Variants in AAK1 observed in about 807,000 individuals in gnomAD.
AAK1 encodes the protein AP2-associated protein kinase 1.
AAK1 carries 37 observed loss-of-function variants against 116.0 expected under a neutral mutation model. That is an observed-to-expected ratio of 0.32 (90% CI 0.25 to 0.42). The LOEUF (loss-of-function observed/expected upper bound fraction) is 0.42, where lower values mean the gene tolerates loss of function less well. Ranked by LOEUF, AAK1 falls within the 10% of genes least tolerant of loss-of-function variation. The pLI, the probability that AAK1 is intolerant of heterozygous loss-of-function variation, is 1.00. For synonymous variants in AAK1, 458 were observed against 439.9 expected (o/e 1.04, Z -0.51); for missense variants, 919 against 1,170.6 (o/e 0.79, Z 3.14).
rs1674321294 is a variant in AAK1 at position 69,460,844 on chromosome 2, G to C, written c.*15025C>G. ...CATATGACATCTTTCATTCAGTACTGCCTGTTAGTCAATTACTGTGGATTC... is the reference window on the plus strand; with the variant it reads ...CATATGACATCTTTCATTCAGTACTCCCTGTTAGTCAATTACTGTGGATTC... On this transcript the variant is annotated 3_prime_UTR_variant, in exon 22 of 22. Coordinates refer to ENST00000409085, the MANE Select transcript of AAK1 (RefSeq NM_014911.5). 1 of 152,114 alleles carries C rather than the reference G, an allele frequency of 6.6e-6. No individual in the cohort carries two copies. Among genetic ancestry groups the C allele is most frequent in the South Asian group, 2.1e-4 (1 of 4,828 alleles). 9.4% of individuals were successfully genotyped at this position (152,114 alleles called of 1,614,324 possible).
chr2:69,557,090 C>T (rs774368241), intron 2 of AAK1, 112 bp from the exon 3 acceptor site: 22 of 730,366 alleles, frequency 3.0e-5, no homozygotes, highest in Non-Finnish European at 4.1e-5. Flanking sequence ...AATGCCACTG[C>T]CAGCCAGCCT....
In AAK1 at chr2:69,479,039, G is replaced by A. The variant is rs774192903; in HGVS notation, c.2592C>T (p.Ser864=). ...TAGAGAGCAGAGAGCAATCAAGCAG[G>A]GAATCTTCCCCGGTGAGAGAATCTG... ...NRTDSLTGED[S]LLDCSLLSNP... The change falls in exon 20 of 22, where the codon TCC becomes TCT. Residue 864 remains serine, a synonymous_variant. Coordinates refer to ENST00000409085, the MANE Select transcript of AAK1 (RefSeq NM_014911.5). 1 of 1,613,644 alleles carries A rather than the reference G, an allele frequency of 6.2e-7. No individual in the cohort carries two copies. The highest frequency in any genetic ancestry group is 8.5e-7 in the Non-Finnish European group (1 of 1,179,638).
chr2:69,563,055 C>A (rs1378362562), intron 2 of AAK1, among the ~76,000 whole-genome samples: 2 of 152,138 alleles, frequency 1.3e-5, no homozygotes, highest in Admixed American at 6.5e-5. Context: ...CAGAGCGAGA[C>A]CCTCCCTGTC....
At chr2:69,574,594 AAGAG>A (rs1027033682) in intron 2 of AAK1, among the ~76,000 whole-genome samples, 3 of 151,412 alleles carry the variant, frequency 2.0e-5, no homozygotes, top group African/African-American at 4.9e-5. Context: ...TTAAAAAAAT[AAGAG>A]AGAGAGAGAG....
At chr2:69,545,402 C>T (rs2105058732) in intron 3 of AAK1, among the ~76,000 whole-genome samples, 1 of 152,258 alleles carries the variant, frequency 6.6e-6, no homozygotes, top group East Asian at 1.9e-4. Context: ...GATTTTTGCA[C>T]AAATGCAAGG....
At chr2:69,481,770 T>C (rs989658824) in intron 18 of AAK1, 3 of 152,182 alleles carry the variant, frequency 2.0e-5, no homozygotes, top group African/African-American at 7.2e-5. Flanking sequence ...GCAAAATGTT[T>C]TCTCAGTTAC....
intron 2 of AAK1, among the ~76,000 whole-genome samples, chr2:69,632,713 A>G (rs1190683910): frequency 6.6e-6 from 1 of 152,094 alleles, no homozygotes; most frequent in Non-Finnish European, 1.5e-5. Context: ...CCTGGCTAAC[A>G]TGGTGAAACC....
chr2:69,526,272 A>G (rs1670021482), intron 9 of AAK1, among the ~76,000 whole-genome samples: 1 of 152,180 alleles, frequency 6.6e-6, no homozygotes, highest in South Asian at 2.1e-4. Context: ...TAAAGCCAAT[A>G]TTCTGAGCTC....
intron 4 of AAK1, among the ~76,000 whole-genome samples, chr2:69,543,256 A>C (rs1461484911): frequency 1.3e-5 from 2 of 152,206 alleles, no homozygotes; most frequent in African/African-American, 4.8e-5. Context: ...TAAACATTTT[A>C]GTATCCAAAA....
chr2:69,545,275 T>C (rs951389280), intron 3 of AAK1, among the ~76,000 whole-genome samples: 2 of 152,194 alleles, frequency 1.3e-5, no homozygotes, highest in Non-Finnish European at 2.9e-5. Context: ...TGGCCTCACA[T>C]TTTGGTATAG....
chr2:69,638,151 G>C (rs1017605195), intron 2 of AAK1, among the ~76,000 whole-genome samples: 1 of 152,130 alleles, frequency 6.6e-6, no homozygotes, highest in African/African-American at 2.4e-5. Flanking sequence ...GAAGTGGGAG[G>C]GATCAAATTG....
Position 69,471,223 on chromosome 2 carries a change from C to A in AAK1, c.*4646G>T. 1.0e-6 allele frequency: 1 copy of A among 985,408 alleles called. No homozygotes were observed. The highest frequency in any genetic ancestry group is 1.7e-5 in the African/African-American group (1 of 57,354). The allele number at this position is 985,408 out of a possible 1,614,324, so 61.0% of individuals were successfully genotyped here. On this transcript the variant is annotated 3_prime_UTR_variant, in exon 22 of 22. Coordinates refer to ENST00000409085, the MANE Select transcript of AAK1 (RefSeq NM_014911.5). ...ACCAAGAACGTGTCTTTAATTCTAG[C>A]AACTACCACCATTTGGTAACTTCTT...
chr2:69,607,507 C>A (rs921070816), intron 2 of AAK1, among the ~76,000 whole-genome samples: 2 of 152,120 alleles, frequency 1.3e-5, no homozygotes, highest in African/African-American at 4.8e-5. Flanking sequence ...CACAAGCCCC[C>A]AAAATGGTAC....
chr2:69,472,646 G>T lies in AAK1; in HGVS notation c.*3223C>A. The T allele has an allele frequency of 1.3e-5, 13 of 985,320 alleles. No homozygotes were observed. The highest frequency in any genetic ancestry group is 1.6e-5 in the Non-Finnish European group (13 of 829,902). 61.0% of individuals were successfully genotyped at this position (985,320 alleles called of 1,614,324 possible). A position where few individuals can be genotyped will look rare whatever the true frequency, so the allele number is the denominator to read the frequency against. On this transcript the variant is annotated 3_prime_UTR_variant, in exon 22 of 22. Coordinates refer to ENST00000409085, the MANE Select transcript of AAK1 (RefSeq NM_014911.5). ...TTTTTGAAAACATTGGGACTCATTT[G>T]AATGTTGTAAAGGGAAAAATCAATT...
At chr2:69,558,766 T>C (rs1671502402) in intron 2 of AAK1, among the ~76,000 whole-genome samples, 1 of 152,170 alleles carries the variant, frequency 6.6e-6, no homozygotes, top group African/African-American at 2.4e-5. Context: ...GCAAAATTGA[T>C]ACAGATCAAT....
Position 69,505,125 on chromosome 2 carries a change from G to A in AAK1, c.2269+444C>T, listed in dbSNP as rs538079677. ...TCCCCAACAGCGTGCGTGCGTGTGC[G>A]CACACACACCCACACACACACACAC... On this transcript the variant is annotated intron_variant, in intron 16 of 21. Transcript: ENST00000409085. Among the ~76,000 whole-genome samples the A allele has an allele frequency of 1.1e-3, 115 of 108,108 alleles. 1 individual carries two copies. Among genetic ancestry groups the A allele is most frequent in the African/African-American group, 4.4e-3 (110 of 25,260 alleles). The allele number at this position is 108,108 out of a possible 152,430, so 70.9% of individuals were successfully genotyped here. A position where few individuals can be genotyped will look rare whatever the true frequency, so the allele number is the denominator to read the frequency against.
chr2:69,590,538 T>C (rs890884682), intron 2 of AAK1, among the ~76,000 whole-genome samples: 1 of 152,252 alleles, frequency 6.6e-6, no homozygotes, highest in Admixed American at 6.5e-5. Context: ...CCCACTAACC[T>C]TGTACACAGC....
chr2:69,589,664 G>A (rs540733983), intron 2 of AAK1, among the ~76,000 whole-genome samples: 54 of 147,260 alleles, frequency 3.7e-4, no homozygotes, highest in Middle Eastern at 3.6e-3. Context: ...AGCCGAGATC[G>A]CGCCATTGTA....
chr2:69,638,300 T>C (rs1439035147), intron 2 of AAK1, among the ~76,000 whole-genome samples: 1 of 152,240 alleles, frequency 6.6e-6, no homozygotes, highest in Non-Finnish European at 1.5e-5. Flanking sequence ...ATATCTCCCC[T>C]GTTCATACCT....
Sources: gnomAD v4.1 joint callset for allele counts (sites outside exome capture counted in the v4.1 genomes callset) on GRCh38, gnomAD v4.1.1 for gene constraint, MANE v1.5 for transcripts, NCBI Gene and HGNC (gene_info 2026-07-23, HGNC 2026-07-21) for gene names.